STAG1: variants seen among roughly 807,000 people sequenced by gnomAD.
STAG1 encodes cohesin subunit SA-1.
Under a neutral mutation model 170.9 loss-of-function variants are expected in STAG1, and 26 were observed. That is an observed-to-expected ratio of 0.15 (90% CI 0.11 to 0.21). The LOEUF is 0.21. Ranked by LOEUF, STAG1 falls within the 10% of genes least tolerant of loss-of-function variation. STAG1 has a pLI of 1.00. For synonymous variants in STAG1, 514 were observed against 497.7 expected (o/e 1.03, Z -0.44); for missense variants, 964 against 1,509.5 (o/e 0.64, Z 5.99).
chr3:136,664,639 T>C (rs893591778), intron 1 of STAG1, among the ~76,000 whole-genome samples: 1 of 152,232 alleles, frequency 6.6e-6, no homozygotes, highest in Non-Finnish European at 1.5e-5. Context: ...ATTTGTGTAT[T>C]GTATGTATAT....
chr3:136,527,527 T>C (rs1420497150), intron 6 of STAG1, among the ~76,000 whole-genome samples: 2 of 152,174 alleles, frequency 1.3e-5, no homozygotes, highest in African/African-American at 2.4e-5. Flanking sequence ...TTCTTTGTGA[T>C]GGGTTCCAAC....
chr3:136,662,919 C>T (rs1941625695), intron 1 of STAG1, among the ~76,000 whole-genome samples: 1 of 152,082 alleles, frequency 6.6e-6, no homozygotes, highest in African/African-American at 2.4e-5. Context: ...AGCATGGTGG[C>T]AGGCGCCTGT....
chr3:136,498,355 TCTGA>T (rs1448840618), intron 9 of STAG1, among the ~76,000 whole-genome samples: 1 of 145,490 alleles, frequency 6.9e-6, no homozygotes, highest in African/African-American at 2.5e-5. Flanking sequence ...TAAAAAAAAC[TCTGA>T]CTTTGTTCAG....
At chr3:136,646,647 C>G (rs1255580285) in intron 1 of STAG1, among the ~76,000 whole-genome samples, 2 of 152,122 alleles carry the variant, frequency 1.3e-5, no homozygotes, top group African/African-American at 2.4e-5. Context: ...TTTCATAACA[C>G]CTGTAATCCC....
At chr3:136,704,730 G>A (rs962118222) in intron 1 of STAG1, among the ~76,000 whole-genome samples, 1 of 148,356 alleles carries the variant, frequency 6.7e-6, no homozygotes, top group African/African-American at 2.5e-5. Flanking sequence ...TCAGAAAGCT[G>A]AGGTGAGAGA....
intron 1 of STAG1, among the ~76,000 whole-genome samples, chr3:136,746,791 T>TA (rs1934955202): frequency 6.6e-6 from 1 of 151,578 alleles, no homozygotes; most frequent in South Asian, 2.1e-4. Context: ...CCGTCTCTAC[T>TA]AAAAATACAA....
chr3:136,508,225 G>A (rs1175319064), intron 7 of STAG1, among the ~76,000 whole-genome samples: 1 of 152,176 alleles, frequency 6.6e-6, no homozygotes, highest in Non-Finnish European at 1.5e-5. Context: ...GAATTTTGTA[G>A]ATATTCCTTG....
rs192337262 is a variant in STAG1, at chr3:136,447,819, G to A, written c.1428+4214C>T. 1.8e-3 allele frequency among the ~76,000 whole-genome samples: 274 copies of A among 151,872 alleles called. 6 individuals are homozygous for A. The East Asian group carries it at 0.047, about 26-fold the overall frequency. Reference sequence around the variant, plus strand: ...TTTTTAGTAGAGACGGGGTTTCACCGTGTTAGCCAGGATGGTCTCGATCTC... The same window carrying A: ...TTTTTAGTAGAGACGGGGTTTCACCATGTTAGCCAGGATGGTCTCGATCTC... On this transcript the variant is annotated intron_variant, in intron 14 of 33. Transcript: ENST00000383202.
intron 5 of STAG1, among the ~76,000 whole-genome samples, chr3:136,549,413 C>G (rs1312422635): frequency 6.6e-6 from 1 of 151,928 alleles, no homozygotes; most frequent in African/African-American, 2.4e-5. Context: ...CAGGTTCAAG[C>G]AATTCTCCTG....
intron 1 of STAG1, among the ~76,000 whole-genome samples, chr3:136,723,250 C>T (rs1391692679): frequency 6.7e-5 from 10 of 150,374 alleles, no homozygotes; most frequent in African/African-American, 2.5e-4. Context: ...AAATGAGGAG[C>T]GCCTCTTCCC....
At chr3:136,540,851 A>C (rs908702132) in intron 6 of STAG1, among the ~76,000 whole-genome samples, 2 of 145,732 alleles carry the variant, frequency 1.4e-5, no homozygotes, top group African/African-American at 5.2e-5. Flanking sequence ...AAAAAAAAAA[A>C]ACCTATATAT....
chr3:136,615,777 CA>C lies in STAG1; in HGVS notation c.132+7368del, dbSNP rs35492234. ...TGGGCAATAGAGCAAGACTCCAAAT[CA>C]AAAAAAAAAAGAAAATGAAAAAAAA... On this transcript the variant is annotated intron_variant, in intron 3 of 33. Coordinates refer to ENST00000383202, the MANE Select transcript of STAG1 (RefSeq NM_005862.3). Among the ~76,000 whole-genome samples the C allele has an allele frequency of 8.0e-3, 1,042 of 130,972 alleles. 14 individuals are homozygous for C. The highest frequency in any genetic ancestry group is 0.025 in the African/African-American group (899 of 36,278). The allele number at this position is 130,972 out of a possible 152,430, so 85.9% of individuals were successfully genotyped here. A position where few individuals can be genotyped will look rare whatever the true frequency, so the allele number is the denominator to read the frequency against.
chr3:136,430,880 A>G (rs2088283056), intron 16 of STAG1, among the ~76,000 whole-genome samples: 1 of 150,058 alleles, frequency 6.7e-6, no homozygotes, highest in Non-Finnish European at 1.5e-5. Context: ...ATCCACTCAC[A>G]TACTTACCAT....
At chr3:136,675,181 C>G (rs1404093797) in intron 1 of STAG1, among the ~76,000 whole-genome samples, 2 of 152,182 alleles carry the variant, frequency 1.3e-5, no homozygotes, top group African/African-American at 4.8e-5. Context: ...AATTCCCTTA[C>G]CACTATCTTG....
chr3:136,457,704 A>C (rs1164465663), intron 13 of STAG1, among the ~76,000 whole-genome samples: 1 of 152,234 alleles, frequency 6.6e-6, no homozygotes, highest in African/African-American at 2.4e-5. Flanking sequence ...ACTCACTGGT[A>C]AAAGTAAGAA....
rs199948661 is a variant in STAG1, at chr3:136,417,869, A to G, written c.2196+16T>C. On this transcript the variant is annotated intron_variant, in intron 21 of 33. Coordinates refer to ENST00000383202, the MANE Select transcript of STAG1 (RefSeq NM_005862.3). ...CTTTCTAGAGTCATACAGAAGGAAT[A>G]CCAATAAACTCCTACCTGTTCTGGC... 1 of 1,595,148 alleles carries G rather than the reference A, an allele frequency of 6.3e-7. No homozygotes were observed. The highest frequency in any genetic ancestry group is 2.2e-5 in the East Asian group (1 of 44,786).
At chr3:136,528,552 A>T (rs938989511) in intron 6 of STAG1, among the ~76,000 whole-genome samples, 1 of 139,930 alleles carries the variant, frequency 7.1e-6, no homozygotes, top group Admixed American at 7.4e-5. Context: ...ATTTATTCTA[A>T]AGAAGCTCAG....
chr3:136,676,074 T>C (rs760161845), intron 1 of STAG1, among the ~76,000 whole-genome samples: 1 of 152,232 alleles, frequency 6.6e-6, no homozygotes, highest in East Asian at 1.9e-4. Flanking sequence ...TGCAACACAA[T>C]AGTAAGCCAT....
At chr3:136,638,176 G>A (rs890962551) in intron 1 of STAG1, among the ~76,000 whole-genome samples, 27 of 150,756 alleles carry the variant, frequency 1.8e-4, no homozygotes, top group Non-Finnish European at 7.4e-5. Flanking sequence ...GCCCAAGCTG[G>A]AGTGCAATGG....
Sources: allele counts gnomAD v4.1 joint callset (sites outside exome capture counted in the v4.1 genomes callset), GRCh38; gene constraint gnomAD v4.1.1; transcripts MANE v1.5; gene names NCBI Gene and HGNC (gene_info 2026-07-23, HGNC 2026-07-21).